Variants in SAMTOR observed in about 807,000 individuals in gnomAD.
The protein encoded by SAMTOR is S-adenosylmethionine sensor upstream of mTORC1.
At chr7:112,930,911 T>C in the SAMTOR span, among the ~76,000 whole-genome samples, 1 of 152,168 alleles carries the variant, frequency 6.6e-6, no homozygotes. Flanking sequence ...AAACTTTGCT[T>C]CTCTTCATAA....
At chr7:112,933,351 C>T in the SAMTOR span, among the ~76,000 whole-genome samples, 26 of 152,286 alleles carry the variant, frequency 1.7e-4, no homozygotes, top group African/African-American at 6.0e-4. Flanking sequence ...TATTTAGACA[C>T]TATAGAAATG....
the SAMTOR span, among the ~76,000 whole-genome samples, chr7:112,902,071 C>T: frequency 6.6e-6 from 1 of 152,076 alleles, no homozygotes; most frequent in Non-Finnish European, 1.5e-5. Context: ...AACTATATGA[C>T]ATTCTGGAAA....
At chr7:112,934,598 A>G in the SAMTOR span, among the ~76,000 whole-genome samples, 2 of 152,198 alleles carry the variant, frequency 1.3e-5, no homozygotes, top group African/African-American at 4.8e-5. Flanking sequence ...AGATCAGGTT[A>G]GTATAAAAGC....
the SAMTOR span, among the ~76,000 whole-genome samples, chr7:112,828,903 C>T: frequency 6.6e-6 from 1 of 152,068 alleles, no homozygotes; most frequent in African/African-American, 2.4e-5. Flanking sequence ...TCCTTCAGTA[C>T]TTTAAGGTGT....
At chr7:112,919,855 T>C in the SAMTOR span, among the ~76,000 whole-genome samples, 212 of 152,152 alleles carry the variant, frequency 1.4e-3, no homozygotes, top group African/African-American at 4.9e-3. Context: ...CTAGAAGAAA[T>C]GGATAAATTC....
chr7:112,928,977 G>GA, the SAMTOR span, among the ~76,000 whole-genome samples: 1,619 of 151,776 alleles, frequency 0.011, 30 homozygotes, highest in African/African-American at 0.037. Flanking sequence ...ACTTATATGT[G>GA]AAAAAAATGA....
the SAMTOR span, among the ~76,000 whole-genome samples, chr7:112,902,043 T>C: frequency 2.0e-5 from 3 of 152,166 alleles, no homozygotes; most frequent in African/African-American, 7.2e-5. Context: ...CAGAAAAAGC[T>C]ACAAACTTTA....
the SAMTOR span, among the ~76,000 whole-genome samples, chr7:112,890,965 C>A: frequency 6.6e-6 from 1 of 152,120 alleles, no homozygotes; most frequent in Non-Finnish European, 1.5e-5. Context: ...GCTGGGATTA[C>A]AGGCATGAGC....
the SAMTOR span, chr7:112,915,232 G>C: frequency 1.4e-6 from 2 of 1,430,670 alleles, no homozygotes; most frequent in Non-Finnish European, 1.9e-6. Context: ...GCAAGACTCC[G>C]TCTCAGGAAA....
the SAMTOR span, among the ~76,000 whole-genome samples, chr7:112,855,966 A>T: frequency 6.6e-6 from 1 of 151,934 alleles, no homozygotes; most frequent in Non-Finnish European, 1.5e-5. Context: ...GTTTATTCAG[A>T]ATTTTTACTT....
the SAMTOR span, among the ~76,000 whole-genome samples, chr7:112,849,068 A>G: frequency 5.3e-5 from 8 of 151,590 alleles, no homozygotes; most frequent in African/African-American, 1.7e-4. Flanking sequence ...AAAAACAAAG[A>G]AAAAATTATT....
chr7:112,915,582 C>T, the SAMTOR span: 1 of 527,606 alleles, frequency 1.9e-6, no homozygotes, highest in Non-Finnish European at 2.9e-6. Flanking sequence ...AAATTTTAAA[C>T]ATTTAAAATG....
At chr7:112,843,407 G>GAT in the SAMTOR span, among the ~76,000 whole-genome samples, 2 of 152,022 alleles carry the variant, frequency 1.3e-5, no homozygotes, top group Admixed American at 6.6e-5. Flanking sequence ...TAAGTATTCT[G>GAT]ATATATATAA....
the SAMTOR span, among the ~76,000 whole-genome samples, chr7:112,856,348 C>T: frequency 1.7e-4 from 26 of 151,062 alleles, no homozygotes; most frequent in African/African-American, 5.8e-4. Flanking sequence ...CTCCCAGGTT[C>T]AAGCAGTTGT....
the SAMTOR span, among the ~76,000 whole-genome samples, chr7:112,850,405 T>C: frequency 5.2e-4 from 79 of 152,300 alleles, no homozygotes; most frequent in African/African-American, 1.6e-3. Context: ...TCGGGTGATA[T>C]TGGCTTCACA....
the SAMTOR span, among the ~76,000 whole-genome samples, chr7:112,930,551 G>C: frequency 2.0e-5 from 3 of 148,468 alleles, no homozygotes; most frequent in Non-Finnish European, 3.0e-5. Flanking sequence ...AGAAGAAAAA[G>C]AAAAAGTCAT....
the SAMTOR span, among the ~76,000 whole-genome samples, chr7:112,844,368 A>G: frequency 6.6e-6 from 1 of 152,240 alleles, no homozygotes; most frequent in East Asian, 1.9e-4. Context: ...ATGATCCTGT[A>G]TTTAGAAAAC....
At chr7:112,879,366 G>A in the SAMTOR span, among the ~76,000 whole-genome samples, 1 of 151,918 alleles carries the variant, frequency 6.6e-6, no homozygotes, top group Non-Finnish European at 1.5e-5. Flanking sequence ...GAGAGACACA[G>A]AGAAAGGGAA....
At chr7:112,889,571 C>A in the SAMTOR span, among the ~76,000 whole-genome samples, 1 of 152,166 alleles carries the variant, frequency 6.6e-6, no homozygotes. Context: ...TGAACAAAAT[C>A]TAAACCAAGC....
Sources: allele counts gnomAD v4.1 joint callset (sites outside exome capture counted in the v4.1 genomes callset), GRCh38; gene constraint gnomAD v4.1.1; transcripts MANE v1.5; gene names NCBI Gene and HGNC (gene_info 2026-07-23, HGNC 2026-07-21).